CDC42SE2: variants seen among roughly 807,000 people sequenced by gnomAD.
CDC42SE2 encodes CDC42 small effector protein 2.
In CDC42SE2, 3 loss-of-function variants were observed where a neutral mutation model predicts 11.5. That is an observed-to-expected ratio of 0.26 (90% CI 0.12 to 0.67). The LOEUF (loss-of-function observed/expected upper bound fraction) is 0.67, where lower values mean the gene tolerates loss of function less well. CDC42SE2 is among the 30% of genes least tolerant of loss of function. The pLI is 0.80. For synonymous variants in CDC42SE2, 33 were observed against 34.8 expected, an observed-to-expected ratio of 0.95 and a Z score of 0.18; for missense variants, 82 against 106.8, an observed-to-expected ratio of 0.77 and a Z score of 1.02.
chr5:131,284,062 G>A (rs1401210488), intron 1 of CDC42SE2, among the ~76,000 whole-genome samples: 1 of 152,128 alleles, frequency 6.6e-6, no homozygotes, highest in Non-Finnish European at 1.5e-5. Flanking sequence ...TAAAGTGGCT[G>A]CATAGTTTTA....
At chr5:131,272,992 C>T (rs1299224927) in intron 1 of CDC42SE2, among the ~76,000 whole-genome samples, 1 of 152,014 alleles carries the variant, frequency 6.6e-6, no homozygotes, top group Non-Finnish European at 1.5e-5. Context: ...TTTTCAGTTT[C>T]TTTTGTTGGT....
At chr5:131,378,618 A>G (rs1474493695) in intron 3 of CDC42SE2, among the ~76,000 whole-genome samples, 1 of 152,240 alleles carries the variant, frequency 6.6e-6, no homozygotes, top group Admixed American at 6.5e-5. Flanking sequence ...AACTTAGTAA[A>G]GATTTATGTC....
chr5:131,369,211 T>G (rs769785172), intron 3 of CDC42SE2, among the ~76,000 whole-genome samples: 5 of 152,224 alleles, frequency 3.3e-5, no homozygotes, highest in Non-Finnish European at 5.9e-5. Flanking sequence ...GTTTTCTTCT[T>G]TCATCCAATG....
chr5:131,269,281 A>G (rs1221236202), intron 1 of CDC42SE2, among the ~76,000 whole-genome samples: 1 of 152,172 alleles, frequency 6.6e-6, no homozygotes, highest in Non-Finnish European at 1.5e-5. Flanking sequence ...ATTTTAGTCA[A>G]ATAGATTATG....
intron 3 of CDC42SE2, among the ~76,000 whole-genome samples, chr5:131,383,413 A>G (rs1011809118): frequency 2.6e-5 from 4 of 152,220 alleles, no homozygotes; most frequent in African/African-American, 9.6e-5. Context: ...CCAACTTTCA[A>G]AAAAAGGCTT....
At chr5:131,283,872 A>G (rs536411976) in intron 1 of CDC42SE2, among the ~76,000 whole-genome samples, 1 of 152,294 alleles carries the variant, frequency 6.6e-6, no homozygotes, top group East Asian at 1.9e-4. Context: ...CAGTGAATGG[A>G]CGTTGGGTTG....
At position 131,355,401 on chromosome 5, in the gene CDC42SE2, C is replaced by T. The variant is rs138246532; in HGVS notation, c.-285-3808C>T. On this transcript the variant is annotated intron_variant, in intron 2 of 4. Coordinates refer to ENST00000505065, the MANE Select transcript of CDC42SE2 (RefSeq NM_001375635.1). The stretch of plus-strand genomic sequence containing the variant: ...CTGAGGTGGGAGGATCATTTGAACC[C>T]GAGAGGTCAAGGCTGCAGTGAGCCA... Among the ~76,000 whole-genome samples, 298 of 151,780 alleles carry T rather than the reference C, an allele frequency of 2.0e-3. 1 individual carries two copies. Among genetic ancestry groups the T allele is most frequent in the African/African-American group, 6.8e-3 (281 of 41,356 alleles).
intron 2 of CDC42SE2, among the ~76,000 whole-genome samples, chr5:131,323,802 A>G (rs1202777897): frequency 6.6e-6 from 1 of 152,204 alleles, no homozygotes; most frequent in East Asian, 1.9e-4. Flanking sequence ...TTAATTGAAA[A>G]TAGGTTTATC....
chr5:131,238,623 TAATAA>T, the CDC42SE2 span, among the ~76,000 whole-genome samples: 1 of 150,194 alleles, frequency 6.7e-6, no homozygotes, highest in East Asian at 2.0e-4. Flanking sequence ...AAAAAAATAA[TAATAA>T]AAAAGAAAAG....
Position 131,275,281 on chromosome 5 carries a change from T to C in CDC42SE2, c.-455+11115T>C, listed in dbSNP as rs1049248719. Among the ~76,000 whole-genome samples the C allele has an allele frequency of 9.2e-5, 14 of 152,172 alleles. No homozygotes were observed. In the South Asian group the frequency reaches 1.5e-3, roughly 16 times the overall value. On this transcript the variant is annotated intron_variant, in intron 1 of 4. Transcript: ENST00000505065. ...TTTACATGGACTTAGACCCTTCAATTTGGACTATATTGTAATCTTTTTTTT... is the reference window on the plus strand; with the variant it reads ...TTTACATGGACTTAGACCCTTCAATCTGGACTATATTGTAATCTTTTTTTT...
chr5:131,341,052 A>G (rs116084466), intron 2 of CDC42SE2, among the ~76,000 whole-genome samples: 4 of 152,142 alleles, frequency 2.6e-5, no homozygotes, highest in Non-Finnish European at 5.9e-5. Flanking sequence ...AATCAAATCA[A>G]TTGGCAAATT....
chr5:131,342,676 C>A (rs2149754154), intron 2 of CDC42SE2, among the ~76,000 whole-genome samples: 1 of 151,706 alleles, frequency 6.6e-6, no homozygotes, highest in East Asian at 2.0e-4. Flanking sequence ...GTGTGAGCCA[C>A]TGCACCTGGT....
chr5:131,357,121 A>G (rs577269617), intron 2 of CDC42SE2, among the ~76,000 whole-genome samples: 52 of 152,328 alleles, frequency 3.4e-4, no homozygotes, highest in Non-Finnish European at 6.3e-4. Context: ...TATTTACCCA[A>G]TTCATTGGCC....
intron 1 of CDC42SE2, among the ~76,000 whole-genome samples, chr5:131,308,907 T>C (rs1335958265): frequency 1.3e-5 from 2 of 151,968 alleles, no homozygotes; most frequent in Non-Finnish European, 2.9e-5. Flanking sequence ...ACAATTTGAC[T>C]TCCTCTTTTC....
chr5:131,347,359 TACTATAA>T (rs1758873860), intron 2 of CDC42SE2, among the ~76,000 whole-genome samples: 2 of 152,010 alleles, frequency 1.3e-5, no homozygotes, highest in Admixed American at 6.6e-5. Context: ...CATCAGAAAA[TACTATAA>T]ACACCTCTAT....
intron 1 of CDC42SE2, among the ~76,000 whole-genome samples, chr5:131,310,600 C>T (rs1757883882): frequency 6.6e-6 from 1 of 151,488 alleles, no homozygotes; most frequent in African/African-American, 2.4e-5. Flanking sequence ...TTGTAGGTCA[C>T]TCAGGACTTG....
chr5:131,236,424 T>C, the CDC42SE2 span, among the ~76,000 whole-genome samples: 1 of 152,036 alleles, frequency 6.6e-6, no homozygotes, highest in Non-Finnish European at 1.5e-5. Context: ...TAAGTTTACT[T>C]ATTATTATTA....
intron 1 of CDC42SE2, among the ~76,000 whole-genome samples, chr5:131,278,875 C>T (rs1757171558): frequency 7.1e-6 from 1 of 140,988 alleles, no homozygotes. Context: ...ACCTCTGCCT[C>T]CTAGGTTCAA....
At chr5:131,384,337 G>A (rs762178325) in intron 3 of CDC42SE2, among the ~76,000 whole-genome samples, 33 of 152,208 alleles carry the variant, frequency 2.2e-4, no homozygotes, top group Non-Finnish European at 4.3e-4. Context: ...CTGAGGAGCT[G>A]TCATATGGGA....
Sources: allele counts gnomAD v4.1 joint callset (sites outside exome capture counted in the v4.1 genomes callset), GRCh38; gene constraint gnomAD v4.1.1; transcripts MANE v1.5; gene names NCBI Gene and HGNC (gene_info 2026-07-23, HGNC 2026-07-21).